The following ST6GALNAC5 variants were observed in gnomAD, a reference collection of about 807,000 sequenced individuals.
The protein encoded by ST6GALNAC5 is ST6 N-acetylgalactosaminide alpha-2,6-sialyltransferase 5.
Under a neutral mutation model 33.6 loss-of-function variants are expected in ST6GALNAC5, and 27 were observed. The observed-to-expected ratio is 0.80, with a 90% CI of 0.59 to 1.11. The LOEUF is 1.11. ST6GALNAC5 is among the 50% of genes least tolerant of loss of function. The probability of loss-of-function intolerance (pLI) is 0.00; values close to 1 mark genes in which losing one functional copy is unlikely to be tolerated. For missense variants in ST6GALNAC5, 428 were observed against 454.0 expected (o/e 0.94, Z 0.52); for synonymous variants, 194 against 171.2 (o/e 1.13, Z -1.04).
chr1:76,967,841 C>T (rs1648566344), intron 2 of ST6GALNAC5, among the ~76,000 whole-genome samples: 1 of 151,988 alleles, frequency 6.6e-6, no homozygotes, highest in Non-Finnish European at 1.5e-5. Context: ...CATTATTTAC[C>T]CAGTAGTCAT....
At chr1:76,931,054 C>T (rs1438495757) in intron 2 of ST6GALNAC5, among the ~76,000 whole-genome samples, 3 of 152,104 alleles carry the variant, frequency 2.0e-5, no homozygotes, top group Non-Finnish European at 4.4e-5. Context: ...AATAAGATGT[C>T]AGCACCCATC....
At chr1:76,960,977 G>A (rs905012729) in intron 2 of ST6GALNAC5, among the ~76,000 whole-genome samples, 2 of 152,184 alleles carry the variant, frequency 1.3e-5, no homozygotes, top group Non-Finnish European at 2.9e-5. Flanking sequence ...ATGGGATTAA[G>A]AGATTGAAGT....
chr1:76,946,112 T>C (rs1233740047), intron 2 of ST6GALNAC5, among the ~76,000 whole-genome samples: 1 of 152,070 alleles, frequency 6.6e-6, no homozygotes, highest in Non-Finnish European at 1.5e-5. Flanking sequence ...ATTTTAGAGT[T>C]AACTACTTAG....
chr1:76,885,994 T>C (rs1653883961), intron 2 of ST6GALNAC5, among the ~76,000 whole-genome samples: 1 of 152,218 alleles, frequency 6.6e-6, no homozygotes, highest in Non-Finnish European at 1.5e-5. Flanking sequence ...ATCGCCATCT[T>C]CATGGGCAGT....
chr1:77,050,855 G>T (rs1245960206), intron 4 of ST6GALNAC5, among the ~76,000 whole-genome samples: 1 of 152,234 alleles, frequency 6.6e-6, no homozygotes, highest in Non-Finnish European at 1.5e-5. Flanking sequence ...AATATTTTGA[G>T]GTGTCACTTT....
rs1252582 is a variant in ST6GALNAC5 at position 76,913,479 on chromosome 1, C to T, written c.261+44737C>T. Among the ~76,000 whole-genome samples the T allele has an allele frequency of 2.2e-4, 33 of 152,038 alleles. No individual in the cohort carries two copies. The East Asian group carries it at 4.1e-3, about 19-fold the overall frequency. ...GAATGTTGGCCTGCCTTGCTAGATT[C>T]GGGAAGTTCTCCTGGATAATACCCT... On this transcript the variant is annotated intron_variant, in intron 2 of 4. Coordinates refer to ENST00000477717, the MANE Select transcript of ST6GALNAC5 (RefSeq NM_030965.3).
intron 2 of ST6GALNAC5, among the ~76,000 whole-genome samples, chr1:76,917,293 CA>C (rs1646985486): frequency 6.6e-6 from 1 of 152,046 alleles, no homozygotes; most frequent in African/African-American, 2.4e-5. Flanking sequence ...ACCAAAAAAA[CA>C]TAGAGTAAGA....
chr1:76,894,843 A>G (rs1211747122), intron 2 of ST6GALNAC5, among the ~76,000 whole-genome samples: 1 of 152,166 alleles, frequency 6.6e-6, no homozygotes, highest in Non-Finnish European at 1.5e-5. Context: ...AGACCACCAA[A>G]CAGGTTTGTG....
At chr1:77,019,596 G>C (rs561074990) in intron 2 of ST6GALNAC5, among the ~76,000 whole-genome samples, 9 of 152,308 alleles carry the variant, frequency 5.9e-5, no homozygotes, top group Non-Finnish European at 1.0e-4. Context: ...CTGGCCTGGA[G>C]GAACTTCTGC....
At chr1:77,020,346 G>C (rs997160388) in intron 2 of ST6GALNAC5, among the ~76,000 whole-genome samples, 2 of 152,154 alleles carry the variant, frequency 1.3e-5, no homozygotes, top group Non-Finnish European at 2.9e-5. Context: ...TAGCATTTGG[G>C]GCGTAGGGAG....
chr1:76,927,256 TA>T (rs1246742999), intron 2 of ST6GALNAC5, among the ~76,000 whole-genome samples: 2 of 152,088 alleles, frequency 1.3e-5, no homozygotes, highest in African/African-American at 4.8e-5. Context: ...TTCAGAGTTC[TA>T]AAAAATATTT....
intron 2 of ST6GALNAC5, among the ~76,000 whole-genome samples, chr1:76,983,752 T>C (rs895375525): frequency 9.2e-5 from 14 of 152,206 alleles, no homozygotes; most frequent in Non-Finnish European, 2.1e-4. Context: ...ATTGACCACA[T>C]AGTTGGAAGT....
chr1:76,913,058 G>A (rs796696126), intron 2 of ST6GALNAC5, among the ~76,000 whole-genome samples: 9 of 152,246 alleles, frequency 5.9e-5, no homozygotes, highest in South Asian at 2.1e-4. Context: ...GGCTGGTACC[G>A]TTTGTTCCTT....
chr1:77,059,524 G>A (rs1652507083), intron 4 of ST6GALNAC5, among the ~76,000 whole-genome samples: 2 of 152,156 alleles, frequency 1.3e-5, no homozygotes, highest in Non-Finnish European at 2.9e-5. Flanking sequence ...CTCATAACAG[G>A]AAGTATGTGA....
chr1:77,042,710 G>A (rs535126817), intron 2 of ST6GALNAC5, among the ~76,000 whole-genome samples: 20 of 152,316 alleles, frequency 1.3e-4, no homozygotes, highest in East Asian at 7.7e-4. Flanking sequence ...CTATGCTAAA[G>A]GTTCAACCGT....
chr1:76,915,236 C>G (rs1426884942), intron 2 of ST6GALNAC5, among the ~76,000 whole-genome samples: 3 of 151,560 alleles, frequency 2.0e-5, no homozygotes, highest in Admixed American at 6.6e-5. Context: ...CACTTTTACA[C>G]TGTTGGTGGG....
chr1:76,933,925 T>C (rs1163088166), intron 2 of ST6GALNAC5, among the ~76,000 whole-genome samples: 1 of 152,066 alleles, frequency 6.6e-6, no homozygotes, highest in Non-Finnish European at 1.5e-5. Context: ...CCCCTTTGTC[T>C]TACATTCTTA....
In ST6GALNAC5 at chr1:76,947,743, C is replaced by T. The variant is rs543759333; in HGVS notation, c.261+79001C>T. On this transcript the variant is annotated intron_variant, in intron 2 of 4. Coordinates refer to ENST00000477717, the MANE Select transcript of ST6GALNAC5 (RefSeq NM_030965.3). The stretch of plus-strand genomic sequence containing the variant: ...CCTCGGTGACAGAGCTTGACCTTGT[C>T]TCATAAAAGGAAAAATAATAATAAG... 4.6e-5 allele frequency among the ~76,000 whole-genome samples: 7 copies of T among 152,090 alleles called. No homozygotes were observed. The South Asian group carries it at 1.0e-3, about 23-fold the overall frequency.
intron 2 of ST6GALNAC5, among the ~76,000 whole-genome samples, chr1:76,981,785 C>T (rs1649263553): frequency 6.6e-6 from 1 of 152,138 alleles, no homozygotes; most frequent in African/African-American, 2.4e-5. Flanking sequence ...GACAAAGCTT[C>T]CAGAGGAAGG....
Sources: gnomAD v4.1 joint callset for allele counts (sites outside exome capture counted in the v4.1 genomes callset) on GRCh38, gnomAD v4.1.1 for gene constraint, MANE v1.5 for transcripts, NCBI Gene and HGNC (gene_info 2026-07-23, HGNC 2026-07-21) for gene names.